Variants in COL24A1 observed in about 807,000 individuals in gnomAD.
COL24A1 encodes collagen alpha-1(XXIV) chain.
Under a neutral mutation model 253.9 loss-of-function variants are expected in COL24A1, and 224 were observed. That is an observed-to-expected ratio of 0.88 (90% CI 0.79 to 0.99). The LOEUF (loss-of-function observed/expected upper bound fraction) is 0.99. COL24A1 is among the 50% of genes least tolerant of loss of function. The pLI, the probability that COL24A1 is intolerant of heterozygous loss-of-function variation, is 0.00. For synonymous variants in COL24A1, 685 were observed against 673.7 expected, an observed-to-expected ratio of 1.02 and a Z score of -0.26; for missense variants, 2,131 against 2,068.5, an observed-to-expected ratio of 1.03 and a Z score of -0.59.
chr1:85,865,627 T>G (rs934376794), intron 37 of COL24A1, among the ~76,000 whole-genome samples: 2 of 152,230 alleles, frequency 1.3e-5, no homozygotes, highest in Admixed American at 6.5e-5. Context: ...CTACGGTATA[T>G]GTTTAGACTT....
At chr1:86,059,570 A>G (rs1177555823) in intron 8 of COL24A1, among the ~76,000 whole-genome samples, 1 of 152,180 alleles carries the variant, frequency 6.6e-6, no homozygotes, top group African/African-American at 2.4e-5. Context: ...CAGAAGACTA[A>G]GAGGGGCAGT....
At chr1:85,761,284 C>T in intron 55 of COL24A1, 112 bp downstream of exon 55, 1 of 1,186,890 alleles carries the variant, frequency 8.4e-7, no homozygotes, top group Non-Finnish European at 1.2e-6. Context: ...CAAAAAAGAA[C>T]AGAGGTATCC....
chr1:85,734,932 G>A lies in COL24A1; in HGVS notation c.4815C>T (p.Asn1605=). Residue 1605 remains asparagine (N), a synonymous_variant, in exon 59 of 60, where the codon AAC becomes AAT. Coordinates refer to ENST00000370571, the MANE Select transcript of COL24A1 (RefSeq NM_152890.7). ...CTTCCGAACTCAGTAAATGAAGGAA[G>A]TTCATCTGGACTTTCCCAACTCCAA... ...LEFGVGKVQM[N]FLHLLSSEAT... 6.2e-7 allele frequency: 1 copy of A among 1,614,170 alleles called. No homozygotes were observed. Among genetic ancestry groups the A allele is most frequent in the Admixed American group, 1.7e-5 (1 of 60,016 alleles).
rs77448813 is a variant in COL24A1 at position 86,125,880 on chromosome 1, T to C, written c.456A>G (p.Ala152=). 6.2e-3 allele frequency: 9,991 copies of C among 1,613,280 alleles called. 177 individuals carry two copies. In the East Asian group the frequency reaches 0.065, roughly 11 times the overall value. ...LVVHIRGKQP[A]VFNYSVHDEQ... The stretch of plus-strand genomic sequence containing the variant: ...CATCATGAACACTGTAGTTGAAAAC[T>C]GCAGGCTGCTTTCCTCTAATGTGTA... The change falls in exon 3 of 60, where the codon GCA becomes GCG. Residue 152 remains alanine (A), a synonymous_variant. Coordinates refer to ENST00000370571, the MANE Select transcript of COL24A1 (RefSeq NM_152890.7).
chr1:85,905,776 T>A (rs1241846126), intron 28 of COL24A1, among the ~76,000 whole-genome samples: 1 of 152,086 alleles, frequency 6.6e-6, no homozygotes, highest in Non-Finnish European at 1.5e-5. Flanking sequence ...TATGACTTAA[T>A]GAGACAGCAC....
chr1:85,903,986 G>T (rs1490607480), intron 28 of COL24A1, among the ~76,000 whole-genome samples: 1 of 152,104 alleles, frequency 6.6e-6, no homozygotes, highest in African/African-American at 2.4e-5. Context: ...AGTGCTTCAG[G>T]TATTGAATCT....
chr1:85,827,282 G>C (rs1674497676), intron 43 of COL24A1, among the ~76,000 whole-genome samples: 1 of 151,490 alleles, frequency 6.6e-6, no homozygotes, highest in African/African-American at 2.4e-5. Context: ...AAGCCCACTT[G>C]ATCATGGTGG....
At position 85,744,749 on chromosome 1, in the gene COL24A1, C is replaced by T. The variant is rs183004053; in HGVS notation, c.4589G>A (p.Ser1530Asn). Residue 1530 changes from serine to asparagine, a missense_variant, in exon 57 of 60, where the codon AGC becomes AAC. Physicochemically the swap from Ser to Asn is conservative, Grantham distance 46. Transcript: ENST00000370571. ...TCGTGTGCCAAGAGGATTCTTGATG[C>T]TGTGCAATAAATTGCTAAGGTAGTT... ...TLNYLSNLLH[S>N]IKNPLGTRDN... 3 of 1,607,918 alleles carry T rather than the reference C, an allele frequency of 1.9e-6. No homozygotes were observed. Among genetic ancestry groups the T allele is most frequent in the Non-Finnish European group, 1.7e-6 (2 of 1,178,082 alleles).
At chr1:85,782,158 C>T (rs1221086574) in intron 51 of COL24A1, among the ~76,000 whole-genome samples, 4 of 152,190 alleles carry the variant, frequency 2.6e-5, no homozygotes, top group South Asian at 4.1e-4. Flanking sequence ...GCCATCTCGG[C>T]TCACTGTAAC....
chr1:86,152,936 C>A (rs935088961), intron 1 of COL24A1, among the ~76,000 whole-genome samples: 2 of 152,144 alleles, frequency 1.3e-5, no homozygotes, highest in African/African-American at 4.8e-5. Context: ...AAAGTCAAGT[C>A]TCCCCAACCT....
At chr1:85,892,480 A>C (rs1558553857) in intron 31 of COL24A1, among the ~76,000 whole-genome samples, 2 of 152,116 alleles carry the variant, frequency 1.3e-5, no homozygotes, top group African/African-American at 4.8e-5. Context: ...GATGTTCTAT[A>C]GGTTACAGGA....
intron 24 of COL24A1, among the ~76,000 whole-genome samples, chr1:85,923,244 A>G (rs550344126): frequency 6.6e-6 from 1 of 152,326 alleles, no homozygotes; most frequent in South Asian, 2.1e-4. Flanking sequence ...CCCCATTGTC[A>G]ATATTAGACA....
chr1:85,948,620 GAGCA>G (rs1295745171), intron 24 of COL24A1, among the ~76,000 whole-genome samples: 1 of 149,668 alleles, frequency 6.7e-6, no homozygotes, highest in African/African-American at 2.5e-5. Context: ...TCCTTAAGGA[GAGCA>G]ATGTCATCAT....
intron 37 of COL24A1, among the ~76,000 whole-genome samples, chr1:85,852,183 A>G (rs1241168924): frequency 6.6e-6 from 1 of 152,116 alleles, no homozygotes; most frequent in Non-Finnish European, 1.5e-5. Flanking sequence ...TACTGGTATC[A>G]TTTATTAAAT....
chr1:86,119,001 G>A (rs1706431641), intron 3 of COL24A1, among the ~76,000 whole-genome samples: 1 of 152,138 alleles, frequency 6.6e-6, no homozygotes, highest in Admixed American at 6.5e-5. Context: ...GAGTTTAAGT[G>A]CTATAACCTT....
intron 7 of COL24A1, among the ~76,000 whole-genome samples, chr1:86,064,801 A>G (rs1355039447): frequency 3.3e-5 from 5 of 152,202 alleles, no homozygotes; most frequent in African/African-American, 1.2e-4. Flanking sequence ...GCTTTGGTTG[A>G]AAAACGTCAT....
intron 43 of COL24A1, among the ~76,000 whole-genome samples, chr1:85,828,724 T>C (rs964624906): frequency 1.8e-5 from 2 of 110,686 alleles, no homozygotes; most frequent in Non-Finnish European, 4.1e-5. Context: ...AAGTCTGTTT[T>C]ATCAGAGACT....
chr1:85,987,733 A>T, intron 19 of COL24A1, 79 bp from the exon 20 acceptor site: 1 of 1,195,764 alleles, frequency 8.4e-7, no homozygotes, highest in East Asian at 2.4e-5. Context: ...TCCCTTTGCT[A>T]TTCCTCCATA....
rs564309116 is a variant in COL24A1, at chr1:86,143,542, A to G, written c.121+2577T>C. On this transcript the variant is annotated intron_variant, in intron 2 of 59. Coordinates refer to ENST00000370571, the MANE Select transcript of COL24A1 (RefSeq NM_152890.7). ...ATATTAAATTAACCAAAAATTGGAT[A>G]AAACTATATTGAGAGAATAGAAGTA... Among the ~76,000 whole-genome samples, 11 of 152,266 alleles carry G rather than the reference A, an allele frequency of 7.2e-5. No individual in the cohort carries two copies. In the South Asian group the frequency reaches 2.1e-3, roughly 29 times the overall value.
Sources: gnomAD v4.1 joint callset for allele counts (sites outside exome capture counted in the v4.1 genomes callset) on GRCh38, gnomAD v4.1.1 for gene constraint, MANE v1.5 for transcripts, NCBI Gene and HGNC (gene_info 2026-07-23, HGNC 2026-07-21) for gene names.